The following GNAQ variants were observed in gnomAD, a reference collection of about 807,000 sequenced individuals.
GNAQ encodes G protein subunit alpha q.
In GNAQ, 8 loss-of-function variants were observed where a neutral mutation model predicts 43.9. The ratio of observed to expected loss-of-function variants is 0.18; its 90% CI spans 0.11 to 0.33. The LOEUF (loss-of-function observed/expected upper bound fraction) is 0.33, where lower values mean the gene tolerates loss of function less well. GNAQ is among the 10% of genes least tolerant of loss of function. The pLI, the probability that GNAQ is intolerant of heterozygous loss-of-function variation, is 1.00. For synonymous variants in GNAQ, 155 were observed against 170.7 expected, an observed-to-expected ratio of 0.91 and a Z score of 0.71; for missense variants, 158 against 450.8, an observed-to-expected ratio of 0.35 and a Z score of 5.88.
At chr9:77,743,150 C>T (rs1440696900) in intron 5 of GNAQ, among the ~76,000 whole-genome samples, 1 of 152,106 alleles carries the variant, frequency 6.6e-6, no homozygotes, top group African/African-American at 2.4e-5. Flanking sequence ...CCCAGCTACT[C>T]AGGAGGCTGA....
At chr9:77,839,481 A>C (rs1827447490) in intron 2 of GNAQ, among the ~76,000 whole-genome samples, 1 of 152,186 alleles carries the variant, frequency 6.6e-6, no homozygotes, top group Non-Finnish European at 1.5e-5. Flanking sequence ...TAAACTTCCA[A>C]ATTATAGCCT....
At chr9:77,882,028 C>T (rs1587384480) in intron 2 of GNAQ, among the ~76,000 whole-genome samples, 1 of 152,272 alleles carries the variant, frequency 6.6e-6, no homozygotes, top group Admixed American at 6.5e-5. Context: ...GTCCCAGTTA[C>T]TTGAGAGGCT....
At chr9:77,803,044 C>G (rs1359024352) in intron 3 of GNAQ, among the ~76,000 whole-genome samples, 1 of 152,114 alleles carries the variant, frequency 6.6e-6, no homozygotes, top group African/African-American at 2.4e-5. Context: ...GCTATATCAA[C>G]AACACTTAGC....
At chr9:77,832,829 G>C (rs375603316) in intron 2 of GNAQ, among the ~76,000 whole-genome samples, 10 of 152,266 alleles carry the variant, frequency 6.6e-5, no homozygotes, top group African/African-American at 2.4e-4. Flanking sequence ...GGAGAGGGGG[G>C]AGCTACACCC....
intron 5 of GNAQ, among the ~76,000 whole-genome samples, chr9:77,748,800 A>G (rs534652977): frequency 1.3e-5 from 2 of 152,230 alleles, no homozygotes; most frequent in Non-Finnish European, 2.9e-5. Context: ...ATAAATGACA[A>G]GTGTTTAATA....
At chr9:77,830,826 A>G (rs1827286134) in intron 2 of GNAQ, among the ~76,000 whole-genome samples, 1 of 110,748 alleles carries the variant, frequency 9.0e-6, no homozygotes, top group Admixed American at 1.1e-4. Context: ...AACCACTGTT[A>G]AGGTGTTATA....
chr9:77,941,638 T>C (rs1829316468), intron 1 of GNAQ, among the ~76,000 whole-genome samples: 1 of 152,176 alleles, frequency 6.6e-6, no homozygotes, highest in African/African-American at 2.4e-5. Context: ...CTCATGTATG[T>C]TGCAAATATT....
chr9:77,729,969 A>G (rs1480162018), intron 5 of GNAQ, among the ~76,000 whole-genome samples: 3 of 152,142 alleles, frequency 2.0e-5, no homozygotes, highest in Non-Finnish European at 4.4e-5. Context: ...TTTGCTGGGA[A>G]CTCTGGAACA....
chr9:78,029,755 G>A (rs984772066), intron 1 of GNAQ, among the ~76,000 whole-genome samples: 4 of 152,178 alleles, frequency 2.6e-5, no homozygotes, highest in Admixed American at 2.0e-4. Flanking sequence ...CAAATGGAAT[G>A]CTCAAGATAA....
In GNAQ at chr9:78,031,285, C is replaced by G. The variant is rs747050166; in HGVS notation, c.-50G>C. 8 of 1,394,424 alleles carry G rather than the reference C, an allele frequency of 5.7e-6. No individual in the cohort carries two copies. Among genetic ancestry groups the G allele is most frequent in the Middle Eastern group, 2.8e-4 (1 of 3,614 alleles). 86.4% of individuals were successfully genotyped at this position (1,394,424 alleles called of 1,614,324 possible). On this transcript the variant is annotated 5_prime_UTR_variant, in exon 1 of 7. Coordinates refer to ENST00000286548, the MANE Select transcript of GNAQ (RefSeq NM_002072.5). ...CCCCGCCGGCACCCCCTGCTCACAGCGCGCACACACACCCTCCCGCCCTCG... is the reference window on the plus strand; with the variant it reads ...CCCCGCCGGCACCCCCTGCTCACAGGGCGCACACACACCCTCCCGCCCTCG...
intron 2 of GNAQ, among the ~76,000 whole-genome samples, chr9:77,843,956 T>A (rs1021496309): frequency 2.6e-5 from 4 of 152,120 alleles, no homozygotes; most frequent in Admixed American, 2.6e-4. Flanking sequence ...CTCAGAAACT[T>A]CTTATGCTGA....
chr9:77,816,811 T>C (rs1276009234), intron 2 of GNAQ, among the ~76,000 whole-genome samples: 2 of 152,022 alleles, frequency 1.3e-5, no homozygotes, highest in African/African-American at 4.8e-5. Context: ...TTCACAAGAG[T>C]ATTAAGCAGA....
intron 2 of GNAQ, among the ~76,000 whole-genome samples, chr9:77,893,742 A>G (rs1190124059): frequency 6.6e-6 from 1 of 152,200 alleles, no homozygotes; most frequent in East Asian, 1.9e-4. Context: ...AGTAGGTCAT[A>G]CAAGTACTTA....
intron 3 of GNAQ, among the ~76,000 whole-genome samples, chr9:77,807,678 T>C (rs879595936): frequency 7.2e-5 from 11 of 152,188 alleles, no homozygotes; most frequent in African/African-American, 1.2e-4. Flanking sequence ...CTAAAAGATA[T>C]CTCTGGGTTA....
At chr9:77,988,634 T>C (rs761417521) in intron 1 of GNAQ, among the ~76,000 whole-genome samples, 1 of 152,216 alleles carries the variant, frequency 6.6e-6, no homozygotes, top group Non-Finnish European at 1.5e-5. Context: ...ATTAACATAC[T>C]ACCTGTGAAG....
At chr9:77,988,934 T>C (rs1033979975) in intron 1 of GNAQ, among the ~76,000 whole-genome samples, 7 of 152,198 alleles carry the variant, frequency 4.6e-5, no homozygotes, top group Non-Finnish European at 1.0e-4. Context: ...TGATCAGAGA[T>C]GAGTGTCAGC....
intron 1 of GNAQ, among the ~76,000 whole-genome samples, chr9:77,941,643 A>G (rs772222302): frequency 6.6e-6 from 1 of 152,198 alleles, no homozygotes; most frequent in Non-Finnish European, 1.5e-5. Context: ...GTATGTTGCA[A>G]ATATTAGCTA....
chr9:77,830,544 C>G (rs1827282948), intron 2 of GNAQ, among the ~76,000 whole-genome samples: 2 of 152,136 alleles, frequency 1.3e-5, no homozygotes, highest in South Asian at 4.1e-4. Flanking sequence ...ACCTGAATAA[C>G]TTAAAGATAA....
At chr9:78,006,234 A>T (rs1823704730) in intron 1 of GNAQ, among the ~76,000 whole-genome samples, 1 of 152,204 alleles carries the variant, frequency 6.6e-6, no homozygotes, top group Admixed American at 6.5e-5. Flanking sequence ...TTCAGAGAAT[A>T]ACACAACATA....
Sources: allele counts gnomAD v4.1 joint callset (sites outside exome capture counted in the v4.1 genomes callset), GRCh38; gene constraint gnomAD v4.1.1; transcripts MANE v1.5; gene names NCBI Gene and HGNC (gene_info 2026-07-23, HGNC 2026-07-21).